Variants in NDC1 observed in about 807,000 individuals in gnomAD.
The protein encoded by NDC1 is nucleoporin NDC1.
Under a neutral mutation model 89.8 loss-of-function variants are expected in NDC1, and 24 were observed. The ratio of observed to expected loss-of-function variants is 0.27; its 90% CI spans 0.19 to 0.38. NDC1 has a LOEUF of 0.38. NDC1 is among the 10% of genes least tolerant of loss of function. NDC1 has a pLI of 1.00. For missense variants in NDC1, 728 were observed against 797.6 expected, an observed-to-expected ratio of 0.91 and a Z score of 1.05; for synonymous variants, 296 against 284.8, an observed-to-expected ratio of 1.04 and a Z score of -0.39.
At position 53,772,529 on chromosome 1, in the gene NDC1, G is replaced by A. The variant is rs1163448376; in HGVS notation, c.1801-40C>T. On this transcript the variant is annotated intron_variant, in intron 16 of 17. Coordinates refer to ENST00000371429, the MANE Select transcript of NDC1 (RefSeq NM_018087.5). ...AAAACACATCAGTTTAGATTATAAA[G>A]AAAGCCAACCTAGGCCAGGTGCTGT... 3.1e-6 allele frequency: 5 copies of A among 1,597,052 alleles called. No individual in the cohort carries two copies. In the Admixed American group the frequency reaches 8.5e-5, roughly 27 times the overall value.
chr1:53,772,298 T>C, intron 17 of NDC1, 31 bp downstream of exon 17: 2 of 1,603,116 alleles, frequency 1.2e-6, no homozygotes, highest in Non-Finnish European at 1.7e-6. Flanking sequence ...CCAGAATAGG[T>C]ATCATCATGG....
intron 15 of NDC1, among the ~76,000 whole-genome samples, chr1:53,787,902 AGTATTCAGAGAATGGTCAG>A (rs1647358614): frequency 1.3e-5 from 2 of 150,670 alleles, no homozygotes; most frequent in Admixed American, 6.6e-5. Context: ...AAGGGCATAC[AGTATTCAGAGAATGGTCAG>A]GAAAGGCCTC....
At chr1:53,778,141 T>C (rs2100625149) in intron 16 of NDC1, among the ~76,000 whole-genome samples, 1 of 152,190 alleles carries the variant, frequency 6.6e-6, no homozygotes, top group African/African-American at 2.4e-5. Context: ...CATCCCACTT[T>C]ACCCCACTTA....
At chr1:53,799,764 T>A (rs938782132) in intron 11 of NDC1, among the ~76,000 whole-genome samples, 1 of 152,198 alleles carries the variant, frequency 6.6e-6, no homozygotes, top group Non-Finnish European at 1.5e-5. Flanking sequence ...GTTTCATCCA[T>A]TTTCACTAAA....
chr1:53,818,859 A>G (rs1648564939), intron 6 of NDC1, 112 bp downstream of exon 6: 2 of 574,810 alleles, frequency 3.5e-6, no homozygotes, highest in Admixed American at 7.5e-5. Context: ...CAGTTGAGCT[A>G]ATCACATACC....
At chr1:53,790,702 G>A (rs1190424634) in intron 14 of NDC1, among the ~76,000 whole-genome samples, 4 of 152,056 alleles carry the variant, frequency 2.6e-5, no homozygotes, top group East Asian at 3.9e-4. Flanking sequence ...GCAAGACTTC[G>A]TCTCAAATAA....
At chr1:53,789,798 T>G (rs1647425055) in intron 14 of NDC1, among the ~76,000 whole-genome samples, 1 of 117,248 alleles carries the variant, frequency 8.5e-6, no homozygotes, top group Non-Finnish European at 1.7e-5. Flanking sequence ...AAACTCCATC[T>G]CAAAAAAAAA....
At chr1:53,800,592 G>A (rs1207926511) in intron 11 of NDC1, 101 bp downstream of exon 11, 21 of 1,305,708 alleles carry the variant, frequency 1.6e-5, no homozygotes, top group Admixed American at 5.5e-5. Context: ...CCCAAAGTGC[G>A]GGGATAACAG....
Position 53,792,161 on chromosome 1 carries a change from C to T in NDC1, c.1635+1068G>A, listed in dbSNP as rs537165200. 5.3e-5 allele frequency among the ~76,000 whole-genome samples: 8 copies of T among 152,234 alleles called. No homozygotes were observed. In the South Asian group the frequency reaches 1.5e-3, roughly 28 times the overall value. ...GTTTCACCGTGTTAGCCAGGATGGTCTTGATCTCCTGACCTCGTGATCCGC... is the reference window on the plus strand; with the variant it reads ...GTTTCACCGTGTTAGCCAGGATGGTTTTGATCTCCTGACCTCGTGATCCGC... On this transcript the variant is annotated intron_variant, in intron 14 of 17. Transcript: ENST00000371429.
chr1:53,833,918 C>T (rs532833463), intron 2 of NDC1, among the ~76,000 whole-genome samples: 1 of 151,810 alleles, frequency 6.6e-6, no homozygotes, highest in Non-Finnish European at 1.5e-5. Context: ...CTCCACCCCC[C>T]ACTCCCCCTT....
At chr1:53,822,768 G>A (rs1158898560) in intron 5 of NDC1, among the ~76,000 whole-genome samples, 1 of 151,856 alleles carries the variant, frequency 6.6e-6, no homozygotes, top group African/African-American at 2.4e-5. Flanking sequence ...CAGACTGTCT[G>A]GCAAAAAATA....
chr1:53,800,472 GCACGCCAC>G (rs1647869046), intron 11 of NDC1, among the ~76,000 whole-genome samples: 1 of 151,302 alleles, frequency 6.6e-6, no homozygotes, highest in African/African-American at 2.4e-5. Flanking sequence ...GACTACAGGT[GCACGCCAC>G]CACGCCCAGC....
At position 53,825,954 on chromosome 1, in the gene NDC1, A is replaced by G. The variant is rs777412877; in HGVS notation, c.456-18T>C. The G allele has an allele frequency of 5.6e-6, 9 of 1,609,596 alleles. No individual in the cohort carries two copies. Among genetic ancestry groups the G allele is most frequent in the Non-Finnish European group, 7.6e-6 (9 of 1,178,576 alleles). ...TACCAAAGCTGAAGGGAAAAAATTA[A>G]GTTATTAATTCAACAGTCAGGGACA... On this transcript the variant is annotated intron_variant, in intron 4 of 17. Coordinates refer to ENST00000371429, the MANE Select transcript of NDC1 (RefSeq NM_018087.5).
intron 17 of NDC1, among the ~76,000 whole-genome samples, chr1:53,770,509 G>A (rs536320993): frequency 8.1e-4 from 123 of 152,112 alleles, no homozygotes; most frequent in South Asian, 2.1e-3. Context: ...GTTTCAACAT[G>A]TTGGCCAGGC....
At chr1:53,815,660 C>T (rs1378608371) in intron 6 of NDC1, among the ~76,000 whole-genome samples, 2 of 152,206 alleles carry the variant, frequency 1.3e-5, no homozygotes, top group Non-Finnish European at 2.9e-5. Context: ...GGAAGTCAAA[C>T]TGTCACTGTT....
intron 9 of NDC1, among the ~76,000 whole-genome samples, chr1:53,805,561 T>C (rs956499310): frequency 1.3e-5 from 2 of 152,158 alleles, no homozygotes; most frequent in African/African-American, 4.8e-5. Context: ...AAATTTCAAC[T>C]TGCAAATTCA....
At chr1:53,820,997 C>T (rs1364841845) in intron 5 of NDC1, among the ~76,000 whole-genome samples, 1 of 151,976 alleles carries the variant, frequency 6.6e-6, no homozygotes, top group Non-Finnish European at 1.5e-5. Context: ...TGAGCCACTG[C>T]ACCCAGCCCT....
In NDC1 at chr1:53,835,625, A is replaced by G. The variant is rs769212285; in HGVS notation, c.58-5T>C. On this transcript the variant is annotated splice_region_variant and splice_polypyrimidine_tract_variant and intron_variant, in intron 1 of 17. Coordinates refer to ENST00000371429, the MANE Select transcript of NDC1 (RefSeq NM_018087.5). ...AACTATCCTCCAGCCCAAAACCTAT[A>G]AACAAAAAGAAAAACCCTCACTCAT... The G allele has an allele frequency of 8.1e-6, 13 of 1,598,418 alleles. No homozygotes were observed. The South Asian group carries it at 1.5e-4, about 18-fold the overall frequency.
intron 6 of NDC1, among the ~76,000 whole-genome samples, chr1:53,815,508 G>C (rs1367920104): frequency 6.6e-6 from 1 of 152,182 alleles, no homozygotes; most frequent in Non-Finnish European, 1.5e-5. Flanking sequence ...ACTGAATGGG[G>C]AAGAGCTGAA....
Sources: gnomAD v4.1 joint callset for allele counts (sites outside exome capture counted in the v4.1 genomes callset) on GRCh38, gnomAD v4.1.1 for gene constraint, MANE v1.5 for transcripts, NCBI Gene and HGNC (gene_info 2026-07-23, HGNC 2026-07-21) for gene names.